TBC1D22A: variants seen among roughly 807,000 people sequenced by gnomAD.
TBC1D22A encodes putative GTPase activator.
In TBC1D22A, 38 loss-of-function variants were observed where a neutral mutation model predicts 60.2. That is an observed-to-expected ratio of 0.63 (90% CI 0.49 to 0.83). The LOEUF is 0.83. Among genes scored for constraint, TBC1D22A ranks in the 40% least tolerant of loss-of-function variants. The pLI, the probability that TBC1D22A is intolerant of heterozygous loss-of-function variation, is 0.00. For synonymous variants in TBC1D22A, 302 were observed against 281.7 expected, an observed-to-expected ratio of 1.07 and a Z score of -0.72; for missense variants, 628 against 701.0, an observed-to-expected ratio of 0.90 and a Z score of 1.18.
At chr22:46,915,362 T>C (rs2070283740) in intron 8 of TBC1D22A, 1 of 456,246 alleles carries the variant, frequency 2.2e-6, no homozygotes. Context: ...CTCTGCTTAG[T>C]GAAGATCTTC....
intron 8 of TBC1D22A, 32 bp downstream of exon 8, chr22:46,912,220 T>A: frequency 1.3e-6 from 2 of 1,488,462 alleles, no homozygotes; most frequent in Non-Finnish European, 1.9e-6. Flanking sequence ...AAACGTGAAC[T>A]TTAGTGGACT....
intron 12 of TBC1D22A, among the ~76,000 whole-genome samples, chr22:47,147,593 C>T (rs892148948): frequency 1.3e-5 from 2 of 152,246 alleles, no homozygotes; most frequent in African/African-American, 4.8e-5. Context: ...CCTGCTGTTT[C>T]CATCCGGGCT....
chr22:46,871,457 T>C (rs2067290400), intron 4 of TBC1D22A, among the ~76,000 whole-genome samples: 1 of 152,226 alleles, frequency 6.6e-6, no homozygotes, highest in Non-Finnish European at 1.5e-5. Flanking sequence ...GACTGTATGT[T>C]GGCCCCAAAA....
intron 8 of TBC1D22A, among the ~76,000 whole-genome samples, chr22:46,918,506 G>A (rs2070530984): frequency 6.6e-6 from 1 of 152,096 alleles, no homozygotes; most frequent in Admixed American, 6.5e-5. Context: ...AGGTATGGTG[G>A]TGTGGTAAGG....
At position 46,894,823 on chromosome 22, in the gene TBC1D22A, A is replaced by T. The variant is rs758517657; in HGVS notation, c.877A>T (p.Ile293Phe). Reference protein sequence around the residue: ...DIPRMSPEALILQPKVTEIFE... With the variant: ...DIPRMSPEALFLQPKVTEIFE... ...CCCTCGCATGAGCCCTGAAGCGTTG[A>T]TCCTGCAGCCCAAGGTGACGGAGGT... Residue 293 changes from isoleucine (I) to phenylalanine (F), a missense_variant, in exon 7 of 13, where the codon ATC becomes TTC. Ile to Phe is a conservative substitution (Grantham distance 21). Coordinates refer to ENST00000337137, the MANE Select transcript of TBC1D22A (RefSeq NM_014346.5). 1 of 1,614,194 alleles carries T rather than the reference A, an allele frequency of 6.2e-7. No homozygotes were observed. Among genetic ancestry groups the T allele is most frequent in the Non-Finnish European group, 8.5e-7 (1 of 1,180,036 alleles).
chr22:47,133,886 G>GTC (rs148989583), intron 12 of TBC1D22A, among the ~76,000 whole-genome samples: 101 of 151,172 alleles, frequency 6.7e-4, no homozygotes, highest in East Asian at 5.8e-3. Context: ...TCCGTGGGCT[G>GTC]TCTCTCTCTC....
intron 10 of TBC1D22A, among the ~76,000 whole-genome samples, chr22:47,015,367 G>A (rs75425064): frequency 0.013 from 1,931 of 152,344 alleles, 43 homozygotes; most frequent in African/African-American, 0.043. Context: ...AGCATTTCAG[G>A]AACAATGAAT....
intron 9 of TBC1D22A, among the ~76,000 whole-genome samples, chr22:46,976,552 C>T (rs2074303341): frequency 6.6e-6 from 1 of 152,178 alleles, no homozygotes; most frequent in Non-Finnish European, 1.5e-5. Context: ...CACTTAAAAC[C>T]ACGGCAACAC....
At chr22:47,023,745 C>G (rs893938278) in intron 10 of TBC1D22A, among the ~76,000 whole-genome samples, 2 of 152,172 alleles carry the variant, frequency 1.3e-5, no homozygotes, top group African/African-American at 4.8e-5. Flanking sequence ...GCAAAAGTAT[C>G]TTTCAGAGAT....
In TBC1D22A at chr22:46,778,900, C is replaced by T. The variant is rs145316150; in HGVS notation, c.63-13620C>T. ...CTCTACTAAAAGTACAAAAATTAGC[C>T]GGGCGTGGTGGTGGGCACCTGTAAT... is the stretch of plus-strand genomic sequence containing the variant. On this transcript the variant is annotated intron_variant, in intron 1 of 12. Coordinates refer to ENST00000337137, the MANE Select transcript of TBC1D22A (RefSeq NM_014346.5). Among the ~76,000 whole-genome samples, 1,209 of 152,104 alleles carry T rather than the reference C, an allele frequency of 7.9e-3. 3 individuals are homozygous for T. The highest frequency in any genetic ancestry group is 0.013 in the Non-Finnish European group (912 of 67,982).
intron 11 of TBC1D22A, among the ~76,000 whole-genome samples, chr22:47,092,379 G>T (rs1434427935): frequency 2.0e-5 from 3 of 152,174 alleles, no homozygotes; most frequent in Admixed American, 6.5e-5. Context: ...TAAGGGATGG[G>T]GCCTTGGGTT....
At chr22:46,917,827 G>A (rs1447438106) in intron 8 of TBC1D22A, among the ~76,000 whole-genome samples, 2 of 152,138 alleles carry the variant, frequency 1.3e-5, no homozygotes, top group African/African-American at 2.4e-5. Flanking sequence ...TCTGTGACTC[G>A]AGGAGCTGGC....
chr22:46,911,222 T>C (rs1334461049), intron 7 of TBC1D22A, among the ~76,000 whole-genome samples: 1 of 152,042 alleles, frequency 6.6e-6, no homozygotes, highest in African/African-American at 2.4e-5. Context: ...TTGAGAGTAT[T>C]GGAGGGAGGA....
At chr22:46,901,328 T>C (rs1398124004) in intron 7 of TBC1D22A, among the ~76,000 whole-genome samples, 1 of 152,240 alleles carries the variant, frequency 6.6e-6, no homozygotes, top group Non-Finnish European at 1.5e-5. Flanking sequence ...GGATGTGGAA[T>C]CCTCTCAGCT....
In TBC1D22A at chr22:47,079,540, C is replaced by T. The variant is rs190606684; in HGVS notation, c.1330-31968C>T. On this transcript the variant is annotated intron_variant, in intron 11 of 12. Coordinates refer to ENST00000337137, the MANE Select transcript of TBC1D22A (RefSeq NM_014346.5). ...AATGGAAGTAAACTCTTGTAAGGTTCTTATATTTAAGTGGTGCAAAGTAAC... is the reference window on the plus strand; with the variant it reads ...AATGGAAGTAAACTCTTGTAAGGTTTTTATATTTAAGTGGTGCAAAGTAAC... Among the ~76,000 whole-genome samples the T allele has an allele frequency of 1.0e-3, 152 of 152,268 alleles. 1 individual carries two copies. The highest frequency in any genetic ancestry group is 2.7e-3 in the South Asian group (13 of 4,828).
At chr22:46,788,933 A>G (rs955558728) in intron 1 of TBC1D22A, 1 of 152,082 alleles carries the variant, frequency 6.6e-6, no homozygotes, top group Non-Finnish European at 1.5e-5. Context: ...TGGGCCTTTG[A>G]AGGAAGGCCG....
At chr22:46,889,239 T>G (rs1397165094) in intron 5 of TBC1D22A, among the ~76,000 whole-genome samples, 1 of 152,050 alleles carries the variant, frequency 6.6e-6, no homozygotes, top group Non-Finnish European at 1.5e-5. Flanking sequence ...GGCCAAAGAT[T>G]TGAACAGATA....
chr22:46,995,517 G>GTT (rs2075091882), intron 9 of TBC1D22A, among the ~76,000 whole-genome samples: 2 of 151,860 alleles, frequency 1.3e-5, no homozygotes, highest in Non-Finnish European at 2.9e-5. Context: ...CGCACTTTGT[G>GTT]TGTGTGTGTG....
At chr22:46,806,063 G>A (rs553428045) in intron 4 of TBC1D22A, among the ~76,000 whole-genome samples, 1 of 152,042 alleles carries the variant, frequency 6.6e-6, no homozygotes, top group South Asian at 2.1e-4. Flanking sequence ...ATGTTGGTCA[G>A]GCTGGTCTCG....
Sources: gnomAD v4.1 joint callset for allele counts (sites outside exome capture counted in the v4.1 genomes callset) on GRCh38, gnomAD v4.1.1 for gene constraint, MANE v1.5 for transcripts, NCBI Gene and HGNC (gene_info 2026-07-23, HGNC 2026-07-21) for gene names.